The following CLASP2 variants were observed in gnomAD, a reference collection of about 807,000 sequenced individuals.
CLASP2 encodes the protein CLIP-associating protein 2.
In CLASP2, 47 loss-of-function variants were observed where a neutral mutation model predicts 194.4. The observed-to-expected ratio is 0.24, with a 90% CI of 0.19 to 0.31. The LOEUF (loss-of-function observed/expected upper bound fraction) is 0.31, where lower values mean the gene tolerates loss of function less well. Among genes scored for constraint, CLASP2 ranks in the 10% least tolerant of loss-of-function variants. The pLI is 1.00. For missense variants in CLASP2, 1,445 were observed against 1,823.6 expected, an observed-to-expected ratio of 0.79 and a Z score of 3.78; for synonymous variants, 619 against 633.5, an observed-to-expected ratio of 0.98 and a Z score of 0.34.
chr3:33,667,121 T>C (rs1293353142), intron 6 of CLASP2, among the ~76,000 whole-genome samples: 2 of 152,090 alleles, frequency 1.3e-5, no homozygotes, highest in African/African-American at 4.8e-5. Context: ...TTAGAAGATA[T>C]TTGATTTTGG....
chr3:33,643,083 G>A (rs2081610156), intron 8 of CLASP2, among the ~76,000 whole-genome samples: 1 of 151,778 alleles, frequency 6.6e-6, no homozygotes, highest in East Asian at 1.9e-4. Flanking sequence ...GGGGGTGGAG[G>A]AGCTTAAGAA....
chr3:33,688,781 A>G (rs2091010797), intron 3 of CLASP2, among the ~76,000 whole-genome samples: 1 of 152,118 alleles, frequency 6.6e-6, no homozygotes, highest in Admixed American at 6.5e-5. Context: ...CACATGGAAC[A>G]GGCGCTTTTT....
At position 33,602,994 on chromosome 3, in the gene CLASP2, A is replaced by C. The variant is rs1470802152; in HGVS notation, c.1882T>G (p.Leu628Val). 1 of 1,610,726 alleles carries C rather than the reference A, an allele frequency of 6.2e-7. No homozygotes were observed. Among genetic ancestry groups the C allele is most frequent in the African/African-American group, 1.3e-5 (1 of 75,018 alleles). Residue 628 changes from leucine to valine, a missense_variant, in exon 18 of 39, where the codon TTA becomes GTA. Physicochemically the swap from Leu to Val is conservative, Grantham distance 32 (BLOSUM62 1). This residue lies in a region of CLASP2 where 174 missense variants were observed against 179.0 expected (regional missense o/e 0.97). Transcript: ENST00000682230. ...CCTGCATTCAGGGCACCTGCACCTA[A>C]GCGCCCGCTTCGCACAGACTGTCCA... ...AAGQSVRSGRLGAGALNAGSY... is the reference protein window; with the variant it reads ...AAGQSVRSGRVGAGALNAGSY...
At chr3:33,515,987 A>G in intron 36 of CLASP2, 36 bp downstream of exon 36, 1 of 1,566,094 alleles carries the variant, frequency 6.4e-7, no homozygotes, top group East Asian at 2.3e-5. Flanking sequence ...ATGAAATAAA[A>G]TAATGGAATA....
chr3:33,580,191 T>A (rs1450203584), intron 23 of CLASP2, among the ~76,000 whole-genome samples: 1 of 152,172 alleles, frequency 6.6e-6, no homozygotes, highest in Admixed American at 6.5e-5. Context: ...ATTCTAGCTT[T>A]AATGGGGTTT....
chr3:33,656,629 T>G (rs113636441), intron 7 of CLASP2, among the ~76,000 whole-genome samples: 2,855 of 152,270 alleles, frequency 0.019, 85 homozygotes, highest in African/African-American at 0.065. Flanking sequence ...CCAGACTATT[T>G]TAAGAAATAT....
intron 1 of CLASP2, among the ~76,000 whole-genome samples, chr3:33,697,956 C>G (rs1300785117): frequency 1.3e-5 from 2 of 152,192 alleles, no homozygotes; most frequent in Non-Finnish European, 2.9e-5. Context: ...GAAAACACAA[C>G]TAGCCACAGA....
chr3:33,645,738 A>G (rs1265161694), intron 7 of CLASP2, among the ~76,000 whole-genome samples: 1 of 152,174 alleles, frequency 6.6e-6, no homozygotes, highest in East Asian at 1.9e-4. Flanking sequence ...TGCATCAGTA[A>G]AGCATAGACT....
chr3:33,632,573 T>G (rs901369278), intron 8 of CLASP2, among the ~76,000 whole-genome samples: 2 of 151,672 alleles, frequency 1.3e-5, no homozygotes, highest in African/African-American at 4.8e-5. Context: ...TATAAGGTAC[T>G]AGGCTAGGCG....
chr3:33,604,121 T>TCTTTGAAAC lies in CLASP2; in HGVS notation c.1750+32_1750+33insGTTTCAAAG, dbSNP rs1461908379. 2.0e-6 allele frequency: 3 copies of TCTTTGAAAC among 1,468,180 alleles called. No individual in the cohort carries two copies. The Admixed American group carries it at 6.1e-5, about 30-fold the overall frequency. 90.9% of individuals were successfully genotyped at this position (1,468,180 alleles called of 1,614,324 possible). A position where few individuals can be genotyped will look rare whatever the true frequency, so the allele number is the denominator to read the frequency against. ...GAAGGCTACTGTTTCAAAGATAAAA[T>TCTTTGAAAC]AGGTTATAACTCTTATTTAAAGAGA... On this transcript the variant is annotated intron_variant, in intron 17 of 38. Transcript: ENST00000682230.
In CLASP2 at chr3:33,604,561, T is replaced by G. The variant is rs565972005; in HGVS notation, c.1695-352A>C. ...CTCAAACTCCTGGGCTCAAGTGTGA[T>G]CCTCCTACCTCAGCCTCTCAAAGTG... On this transcript the variant is annotated intron_variant, in intron 16 of 38. Transcript: ENST00000682230. 1.4e-3 allele frequency among the ~76,000 whole-genome samples: 214 copies of G among 152,256 alleles called. 1 individual carries two copies. The highest frequency in any genetic ancestry group is 6.8e-3 in the Middle Eastern group (2 of 294).
chr3:33,531,797 A>C (rs1347185944), intron 34 of CLASP2, among the ~76,000 whole-genome samples: 1 of 152,082 alleles, frequency 6.6e-6, no homozygotes, highest in Non-Finnish European at 1.5e-5. Flanking sequence ...AAAAACAAAA[A>C]CAAAACCTAC....
chr3:33,565,356 C>T (rs13072794), intron 27 of CLASP2, among the ~76,000 whole-genome samples: 43,032 of 151,496 alleles, frequency 0.28, 6,398 homozygotes, highest in Admixed American at 0.39. Context: ...TTTTTTTGTA[C>T]TTTTAGTAGA....
intron 30 of CLASP2, among the ~76,000 whole-genome samples, chr3:33,545,412 CAT>C (rs752492635): frequency 4.6e-5 from 7 of 152,208 alleles, no homozygotes; most frequent in Non-Finnish European, 8.8e-5. Flanking sequence ...TTTATGATCA[CAT>C]GACTTGTATC....
At chr3:33,545,473 A>G (rs2059011258) in intron 30 of CLASP2, among the ~76,000 whole-genome samples, 1 of 152,206 alleles carries the variant, frequency 6.6e-6, no homozygotes, top group Non-Finnish European at 1.5e-5. Flanking sequence ...CTCTATGAAA[A>G]ATACACCTGA....
At chr3:33,671,980 C>G (rs1057153813) in intron 6 of CLASP2, among the ~76,000 whole-genome samples, 4 of 152,234 alleles carry the variant, frequency 2.6e-5, no homozygotes, top group African/African-American at 9.6e-5. Flanking sequence ...TCAAGGAGGC[C>G]TGCCTGCCTC....
At chr3:33,533,493 T>C (rs1219166530) in intron 34 of CLASP2, among the ~76,000 whole-genome samples, 1 of 152,208 alleles carries the variant, frequency 6.6e-6, no homozygotes, top group Non-Finnish European at 1.5e-5. Flanking sequence ...AATTTAAAAA[T>C]ATCTCTAATA....
intron 6 of CLASP2, among the ~76,000 whole-genome samples, chr3:33,677,585 G>A (rs979980609): frequency 1.4e-5 from 2 of 147,260 alleles, no homozygotes; most frequent in African/African-American, 5.0e-5. Context: ...GGATAGCATT[G>A]GGAGATATAC....
chr3:33,588,616 T>G, intron 21 of CLASP2: 1 of 677,480 alleles, frequency 1.5e-6, no homozygotes, highest in East Asian at 2.7e-5. Flanking sequence ...ACTATGACGT[T>G]AAGAATTTCT....
Sources: allele counts gnomAD v4.1 joint callset (sites outside exome capture counted in the v4.1 genomes callset), GRCh38; gene constraint gnomAD v4.1.1; regional missense constraint gnomAD v4.1.1; transcripts MANE v1.5; gene names NCBI Gene and HGNC (gene_info 2026-07-23, HGNC 2026-07-21).